The following ZNF74 variants were observed in gnomAD, a reference collection of about 807,000 sequenced individuals.
The protein encoded by ZNF74 is zinc finger protein 520.
ZNF74 carries 12 observed loss-of-function variants against 17.7 expected under a neutral mutation model. That is an observed-to-expected ratio of 0.68 (90% CI 0.43 to 1.10). ZNF74 has a LOEUF of 1.10. Among genes scored for constraint, ZNF74 ranks in the 50% least tolerant of loss-of-function variants. ZNF74 has a pLI of 0.00. For missense variants in ZNF74, 811 were observed against 881.0 expected (o/e 0.92, Z 1.01); for synonymous variants, 358 against 362.1 (o/e 0.99, Z 0.13).
At chr22:20,398,038 G>C (rs1040033639) in intron 2 of ZNF74, among the ~76,000 whole-genome samples, 2 of 152,148 alleles carry the variant, frequency 1.3e-5, no homozygotes, top group African/African-American at 2.4e-5. Context: ...CTCTCTCCAG[G>C]CCGGGTGCAG....
chr22:20,406,917 T>TC lies in ZNF74; in HGVS notation c.1890dup (p.Arg631GlnfsTer17), dbSNP rs761328238. On this transcript the variant is annotated frameshift_variant, in exon 5 of 5. Coordinates refer to ENST00000400451, the MANE Select transcript of ZNF74 (RefSeq NM_003426.4). LOFTEE classifies it low-confidence loss of function (END_TRUNC). The stretch of plus-strand genomic sequence containing the variant: ...ATGTGGCAAAGCTCTTGTGCGTGGT[T>TC]CCCCCCAGAGCTGGCAGGAATTTCT... 3 of 1,613,800 alleles carry TC rather than the reference T, an allele frequency of 1.9e-6. No individual in the cohort carries two copies. The highest frequency in any genetic ancestry group is 1.1e-5 in the South Asian group (1 of 91,066).
rs138692767 is a variant in ZNF74, at chr22:20,404,417, C to T, written c.344-960C>T. On this transcript the variant is annotated intron_variant, in intron 4 of 4. Transcript: ENST00000400451. ...TGATCATAGCTCGAAGCCTCAACCT[C>T]CCTAGGCTCAGGTGATCCTCCCACC... 4.9e-3 allele frequency among the ~76,000 whole-genome samples: 746 copies of T among 152,180 alleles called. 7 individuals are homozygous for T. Among genetic ancestry groups the T allele is most frequent in the African/African-American group, 0.017 (697 of 41,510 alleles).
rs1001310263 is a variant in ZNF74 at position 20,394,195 on chromosome 22, T to C, written c.-434T>C. ...CTTTGTGGCAGTCGCAGTCCTTTTG[T>C]GGGAGTCCGGTCTGTCCACTTGCCG... On this transcript the variant is annotated 5_prime_UTR_variant, in exon 1 of 5. Coordinates refer to ENST00000400451, the MANE Select transcript of ZNF74 (RefSeq NM_003426.4). The C allele has an allele frequency of 4.5e-6, 3 of 661,698 alleles. No homozygotes were observed. The African/African-American group carries it at 5.6e-5, about 12-fold the overall frequency. The allele number at this position is 661,698 out of a possible 1,614,324, so 41.0% of individuals were successfully genotyped here. A position where few individuals can be genotyped will look rare whatever the true frequency, so the allele number is the denominator to read the frequency against.
intron 2 of ZNF74, among the ~76,000 whole-genome samples, chr22:20,398,289 C>T (rs2052318226): frequency 1.3e-5 from 2 of 149,946 alleles, no homozygotes; most frequent in Admixed American, 6.7e-5. Flanking sequence ...TGTACTCCAG[C>T]CTGGGTGACA....
chr22:20,399,635 A>G (rs1272580350), intron 2 of ZNF74: 2 of 375,752 alleles, frequency 5.3e-6, no homozygotes, highest in Non-Finnish European at 5.1e-6. Flanking sequence ...CAGTGGCGCA[A>G]TCTTGGCTCA....
chr22:20,405,719 C>T lies in ZNF74; in HGVS notation c.686C>T (p.Pro229Leu). 1 of 1,603,510 alleles carries T rather than the reference C, an allele frequency of 6.2e-7. No homozygotes were observed. The change falls in exon 5 of 5, where the codon CCA becomes CTA. Residue 229 changes from proline to leucine, a missense_variant. This residue lies in a region of ZNF74 where 666 missense variants were observed against 702.3 expected (regional missense o/e 0.95). Coordinates refer to ENST00000400451, the MANE Select transcript of ZNF74 (RefSeq NM_003426.4). Reference protein sequence around the residue: ...AGENASTPSEPEKFPQVRRQR... With the variant: ...AGENASTPSELEKFPQVRRQR... ...GAAAACGCCTCCACGCCAAGTGAGC[C>T]AGAAAAGTTCCCCCAGGTGCGCCGG...
rs1415655579 is a variant in ZNF74 at position 20,406,912 on chromosome 22, GTGGT to G, written c.1881_1884del (p.Val628ProfsTer86). On this transcript the variant is annotated frameshift_variant, in exon 5 of 5. Transcript: ENST00000400451. LOFTEE classifies it low-confidence loss of function (END_TRUNC). Reference sequence around the variant, plus strand: ...GCTGGATGTGGCAAAGCTCTTGTGCGTGGTTCCCCCCAGAGCTGGCAGGAATTTC... The same window carrying G: ...GCTGGATGTGGCAAAGCTCTTGTGCGTCCCCCCAGAGCTGGCAGGAATTTC... The G allele has an allele frequency of 6.2e-7, 1 of 1,613,852 alleles. No individual in the cohort carries two copies. Among genetic ancestry groups the G allele is most frequent in the Non-Finnish European group, 8.5e-7 (1 of 1,180,022 alleles).
intron 4 of ZNF74, among the ~76,000 whole-genome samples, chr22:20,404,258 G>A (rs2052388703): frequency 6.6e-6 from 1 of 152,228 alleles, no homozygotes; most frequent in African/African-American, 2.4e-5. Context: ...CTTTGACAGA[G>A]GAGACACATC....
In ZNF74 at chr22:20,406,730, A is replaced by C; in HGVS notation, c.1697A>C (p.Asn566Thr). The change falls in exon 5 of 5, where the codon AAC becomes ACC. Residue 566 changes from asparagine to threonine, a missense_variant. By Grantham distance (65) the Asn-to-Thr change is moderately conservative (BLOSUM62 0). This residue lies in a region of ZNF74 where 115 missense variants were observed against 119.5 expected (regional missense o/e 0.96). Coordinates refer to ENST00000400451, the MANE Select transcript of ZNF74 (RefSeq NM_003426.4). Reference sequence around the variant, plus strand: ...TGTGAGAAATGTGGGGAGATGTTCAACTGGAGCTCGCACCTCACTGAGCAC... The same window carrying C: ...TGTGAGAAATGTGGGGAGATGTTCACCTGGAGCTCGCACCTCACTGAGCAC... ...FKCEKCGEMF[N>T]WSSHLTEHQR... is the part of the protein sequence containing the mutation. 1 of 1,614,160 alleles carries C rather than the reference A, an allele frequency of 6.2e-7. No individual in the cohort carries two copies. The highest frequency in any genetic ancestry group is 8.5e-7 in the Non-Finnish European group (1 of 1,180,030).
chr22:20,399,540 G>A (rs2146093194), intron 2 of ZNF74: 1 of 383,396 alleles, frequency 2.6e-6, no homozygotes, highest in African/African-American at 2.2e-5. Flanking sequence ...CGCATTTAGT[G>A]TAATTATTAA....
intron 3 of ZNF74, 187 bp downstream of exon 3, chr22:20,400,945 G>A (rs530900395): frequency 4.5e-6 from 3 of 661,460 alleles, no homozygotes; most frequent in Non-Finnish European, 7.8e-6. Flanking sequence ...AAGGGACAGC[G>A]TGGGAGCTGG....
In ZNF74 at chr22:20,406,309, A is replaced by G; in HGVS notation, c.1276A>G (p.Asn426Asp). The change falls in exon 5 of 5, where the codon AAC becomes GAC. Residue 426 changes from asparagine (N) to aspartate (D), a missense_variant. This residue lies in a region of ZNF74 where 666 missense variants were observed against 702.3 expected (regional missense o/e 0.95). Transcript: ENST00000400451. ...FKCSDCEKAF[N>D]SRSRLTLHQR... Reference sequence around the variant, plus strand: ...GTGCAGCGACTGCGAGAAGGCCTTCAACAGCCGCTCGCGCCTCACCCTCCA... The same window carrying G: ...GTGCAGCGACTGCGAGAAGGCCTTCGACAGCCGCTCGCGCCTCACCCTCCA... 1 of 1,612,204 alleles carries G rather than the reference A, an allele frequency of 6.2e-7. No homozygotes were observed. Among genetic ancestry groups the G allele is most frequent in the South Asian group, 1.1e-5 (1 of 91,072 alleles).
At position 20,400,824 on chromosome 22, in the gene ZNF74, G is replaced by A. The variant is rs1601272579; in HGVS notation, c.247+66G>A. On this transcript the variant is annotated intron_variant, in intron 3 of 4. Coordinates refer to ENST00000400451, the MANE Select transcript of ZNF74 (RefSeq NM_003426.4). Reference sequence around the variant, plus strand: ...CCTTCTTCTACATGGTAGATATTAAGGAGAATCCCTTCAGTGCCGGCCCTG... The same window carrying A: ...CCTTCTTCTACATGGTAGATATTAAAGAGAATCCCTTCAGTGCCGGCCCTG... 4 of 1,567,676 alleles carry A rather than the reference G, an allele frequency of 2.6e-6. No homozygotes were observed. The East Asian group carries it at 9.0e-5, about 35-fold the overall frequency.
intron 1 of ZNF74, 99 bp downstream of exon 1, chr22:20,394,761 C>CA: frequency 1.1e-6 from 1 of 910,084 alleles, no homozygotes; most frequent in Non-Finnish European, 1.6e-6. Flanking sequence ...CATCCAGCAT[C>CA]TTTTTTTTTT....
chr22:20,402,406 T>C (rs1291841664), intron 4 of ZNF74, among the ~76,000 whole-genome samples: 1 of 152,238 alleles, frequency 6.6e-6, no homozygotes, highest in Admixed American at 6.5e-5. Context: ...GAAAGGTTAC[T>C]GAAATCCTGC....
chr22:20,404,071 T>C (rs185509277), intron 4 of ZNF74, among the ~76,000 whole-genome samples: 1 of 152,192 alleles, frequency 6.6e-6, no homozygotes, highest in Non-Finnish European at 1.5e-5. Context: ...AGCACCACCA[T>C]GCAGCTCTGC....
intron 2 of ZNF74, among the ~76,000 whole-genome samples, chr22:20,398,238 AC>A (rs1364055548): frequency 6.6e-6 from 1 of 150,762 alleles, no homozygotes; most frequent in African/African-American, 2.5e-5. Context: ...AATCTCTTGA[AC>A]CCAGGAGGCA....
Position 20,407,659 on chromosome 22 carries a change from TAAAAC to T in ZNF74, c.*694_*698del, listed in dbSNP as rs2052447808. 1 of 152,210 alleles carries T rather than the reference TAAAAC, an allele frequency of 6.6e-6. No individual in the cohort carries two copies. The highest frequency in any genetic ancestry group is 2.4e-5 in the African/African-American group (1 of 41,446). The allele number at this position is 152,210 out of a possible 1,614,324, so 9.4% of individuals were successfully genotyped here. ...TAAACTATTATTTTCAGAATAATAA[TAAAAC>T]AAGAATTATGACTAGCATCACTTTC... On this transcript the variant is annotated 3_prime_UTR_variant, in exon 5 of 5. Transcript: ENST00000400451.
At position 20,401,500 on chromosome 22, in the gene ZNF74, CCT is replaced by C; in HGVS notation, c.343+130_343+131del. The C allele has an allele frequency of 1.5e-6, 1 of 657,088 alleles. No homozygotes were observed. The highest frequency in any genetic ancestry group is 2.5e-5 in the Admixed American group (1 of 39,266). 40.7% of individuals were successfully genotyped at this position (657,088 alleles called of 1,614,324 possible). A position where few individuals can be genotyped will look rare whatever the true frequency, so the allele number is the denominator to read the frequency against. ...CCCCTTTTCAGGTCCCCCGCCAGAC[CCT>C]CCTGCCTGCCTCCCTTCAGCACGTA... On this transcript the variant is annotated intron_variant, in intron 4 of 4. Transcript: ENST00000400451. This position sits in a 1 kb window ranked among gnomAD's most constrained non-coding sequence, Gnocchi z 4.2.
Sources: gnomAD v4.1 joint callset for allele counts (sites outside exome capture counted in the v4.1 genomes callset) on GRCh38, gnomAD v4.1.1 for gene constraint, gnomAD v4.1.1 regional missense constraint, Gnocchi (gnomAD v3.1) non-coding constraint, MANE v1.5 for transcripts, NCBI Gene and HGNC (gene_info 2026-07-23, HGNC 2026-07-21) for gene names.